Variants in ZBTB43 observed in about 807,000 individuals in gnomAD.
ZBTB43 encodes zinc finger and BTB domain containing 43.
In ZBTB43, 6 loss-of-function variants were observed where a neutral mutation model predicts 31.1. The observed-to-expected ratio is 0.19, with a 90% confidence interval of 0.11 to 0.38. ZBTB43 has a LOEUF of 0.38. Among genes scored for constraint, ZBTB43 ranks in the 10% least tolerant of loss-of-function variants. The probability of loss-of-function intolerance (pLI) is 1.00; values close to 1 mark genes in which losing one functional copy is unlikely to be tolerated. For missense variants in ZBTB43, 379 were observed against 602.1 expected, an observed-to-expected ratio of 0.63 and a Z score of 3.88; for synonymous variants, 212 against 221.7, an observed-to-expected ratio of 0.96 and a Z score of 0.39.
chr9:126,811,217 CAAAAA>C (rs370772691), intron 2 of ZBTB43, among the ~76,000 whole-genome samples: 2 of 86,668 alleles, frequency 2.3e-5, no homozygotes, highest in Non-Finnish European at 2.4e-5. Flanking sequence ...GACTCCATCT[CAAAAA>C]AAAAAAAAAA....
In ZBTB43 at chr9:126,833,595, C is replaced by G. The variant is rs1439275591; in HGVS notation, c.1086C>G (p.Ser362=). ...EMVTGIKEEA[S]HLGFSATDKL... ...TAACAGGGATTAAAGAAGAAGCTTC[C>G]CACTTAGGATTCTCAGCCACTGACA... The change falls in exon 3 of 3, where the codon TCC becomes TCG. Residue 362 remains serine (S), a synonymous_variant. Transcript: ENST00000373464. This position sits in a 1 kb window ranked among gnomAD's most constrained non-coding sequence, Gnocchi z 7.9. 2.5e-6 allele frequency: 4 copies of G among 1,614,046 alleles called. No homozygotes were observed. The highest frequency in any genetic ancestry group is 3.4e-6 in the Non-Finnish European group (4 of 1,179,968).
intron 2 of ZBTB43, among the ~76,000 whole-genome samples, chr9:126,812,885 A>G (rs1264715403): frequency 6.6e-6 from 1 of 151,672 alleles, no homozygotes; most frequent in African/African-American, 2.4e-5. Flanking sequence ...TCTTGATGGT[A>G]TCATTTGTAC....
At chr9:126,806,062 A>G (rs563181382) in intron 1 of ZBTB43, among the ~76,000 whole-genome samples, 1 of 152,308 alleles carries the variant, frequency 6.6e-6, no homozygotes, top group South Asian at 2.1e-4. Context: ...GAGCAGCTTG[A>G]TGAGTCCTCT....
intron 2 of ZBTB43, among the ~76,000 whole-genome samples, chr9:126,821,377 A>T (rs77606729): frequency 6.6e-6 from 1 of 151,216 alleles, no homozygotes; most frequent in Admixed American, 6.6e-5. Context: ...CTCTGTCTTT[A>T]AAAAAAAAGA....
chr9:126,826,454 CTTTTTTTTTT>C (rs35094731), intron 2 of ZBTB43, among the ~76,000 whole-genome samples: 8,383 of 53,528 alleles, frequency 0.16, 1,180 homozygotes, highest in African/African-American at 0.41. Flanking sequence ...GCCCCCCCGC[CTTTTTTTTTT>C]TTTTTTTTTT....
At chr9:126,813,020 G>T (rs968879789) in intron 2 of ZBTB43, among the ~76,000 whole-genome samples, 17 of 145,712 alleles carry the variant, frequency 1.2e-4, no homozygotes, top group African/African-American at 4.1e-4. Context: ...TGCTCTTGTT[G>T]CCCAGGCTGG....
At chr9:126,804,802 A>T (rs894204333), upstream of ZBTB43, among the ~76,000 whole-genome samples, 11 of 152,052 alleles carry the variant, frequency 7.2e-5, no homozygotes, top group African/African-American at 2.7e-4. Flanking sequence ...AGGTTTCAAG[A>T]AGGTTTAGAA....
intron 2 of ZBTB43, among the ~76,000 whole-genome samples, chr9:126,827,005 G>A (rs1472355322): frequency 6.6e-6 from 1 of 152,152 alleles, no homozygotes; most frequent in Non-Finnish European, 1.5e-5. Flanking sequence ...CTGGACATTT[G>A]GAGTATGATA....
At chr9:126,830,738 G>GT (rs57767239) in intron 2 of ZBTB43, among the ~76,000 whole-genome samples, 1,476 of 140,114 alleles carry the variant, frequency 0.011, 24 homozygotes, top group East Asian at 0.08. Context: ...CGTTTGGGTG[G>GT]TTTTTTTTTT....
rs530065283 is a variant in ZBTB43 at position 126,834,914 on chromosome 9, T to G, written c.*1001T>G. On this transcript the variant is annotated 3_prime_UTR_variant, in exon 3 of 3. Transcript: ENST00000373464. Reference sequence around the variant, plus strand: ...GCTGAGAGTTCCCTGTGAACTTGAGTAGTTCATAGAGTGCTAAGGTGACAC... The same window carrying G: ...GCTGAGAGTTCCCTGTGAACTTGAGGAGTTCATAGAGTGCTAAGGTGACAC... The G allele has an allele frequency of 3.0e-5, 5 of 167,076 alleles. No homozygotes were observed. Among genetic ancestry groups the G allele is most frequent in the African/African-American group, 1.2e-4 (5 of 41,514 alleles). The allele number at this position is 167,076 out of a possible 1,614,324, so 10.3% of individuals were successfully genotyped here. A position where few individuals can be genotyped will look rare whatever the true frequency, so the allele number is the denominator to read the frequency against.
In ZBTB43 at chr9:126,837,964, T is replaced by G. The variant is rs1210637044; in HGVS notation, c.*4051T>G. ...ACTTTATTTATGCAAGTCAGGTGAC[T>G]CTTAGGCCACAAAACCATTTGATGA... is the stretch of plus-strand genomic sequence containing the variant. On this transcript the variant is annotated 3_prime_UTR_variant, in exon 3 of 3. Transcript: ENST00000373464. The G allele has an allele frequency of 6.0e-6, 1 of 167,014 alleles. No individual in the cohort carries two copies. The highest frequency in any genetic ancestry group is 1.5e-5 in the Non-Finnish European group (1 of 68,106). The allele number at this position is 167,014 out of a possible 1,614,324, so 10.3% of individuals were successfully genotyped here. A position where few individuals can be genotyped will look rare whatever the true frequency, so the allele number is the denominator to read the frequency against.
At position 126,833,048 on chromosome 9, in the gene ZBTB43, G is replaced by A. The variant is rs779334745; in HGVS notation, c.539G>A (p.Ser180Asn). The A allele has an allele frequency of 1.8e-4, 283 of 1,613,882 alleles. No homozygotes were observed. Among genetic ancestry groups the A allele is most frequent in the Non-Finnish European group, 2.1e-4 (253 of 1,180,038 alleles). ...ELRDGENEEE[S>N]TKDELSSQLT... ...AGAGATGGTGAAAATGAAGAGGAGA[G>A]CACCAAAGACGAGCTGTCATCCCAG... The change falls in exon 3 of 3, where the codon AGC becomes AAC. Residue 180 changes from serine to asparagine, a missense_variant. This residue lies in a region of ZBTB43 where 253 missense variants were observed against 322.3 expected (regional missense o/e 0.79). Transcript: ENST00000373464. The surrounding 1 kb of genome is among the most constrained non-coding windows in gnomAD (Gnocchi z 7.9).
At chr9:126,822,436 G>T (rs60819482) in intron 2 of ZBTB43, among the ~76,000 whole-genome samples, 17,213 of 152,110 alleles carry the variant, frequency 0.11, 3,033 homozygotes, top group African/African-American at 0.38. Context: ...AAACTTCACT[G>T]TTGTCCTATT....
chr9:126,807,905 G>A (rs1375106242), intron 1 of ZBTB43, among the ~76,000 whole-genome samples: 2 of 152,048 alleles, frequency 1.3e-5, no homozygotes, highest in Non-Finnish European at 2.9e-5. Flanking sequence ...CAAAGTGCTG[G>A]GATTAACAAG....
At chr9:126,820,008 T>G (rs2032476919) in intron 2 of ZBTB43, among the ~76,000 whole-genome samples, 2 of 151,874 alleles carry the variant, frequency 1.3e-5, no homozygotes, top group African/African-American at 2.4e-5. Flanking sequence ...GTGAGAGAGG[T>G]GAGGAAACTG....
Position 126,833,176 on chromosome 9 carries a change from G to A in ZBTB43, c.667G>A (p.Ala223Thr), listed in dbSNP as rs915923825. 1.9e-6 allele frequency: 3 copies of A among 1,613,776 alleles called. No homozygotes were observed. Among genetic ancestry groups the A allele is most frequent in the South Asian group, 1.1e-5 (1 of 91,078 alleles). ...QDGEEGASDS[A>T]EFHYTRPMYS... ...TGGGGAGGAGGGCGCCAGCGACAGC[G>A]CCGAGTTCCACTACACCCGGCCCAT... The change falls in exon 3 of 3, where the codon GCC becomes ACC. Residue 223 changes from alanine (A) to threonine (T), a missense_variant. By Grantham distance (58) the Ala-to-Thr change is moderately conservative. Transcript: ENST00000373464. This position sits in a 1 kb window ranked among gnomAD's most constrained non-coding sequence, Gnocchi z 7.9.
intron 2 of ZBTB43, among the ~76,000 whole-genome samples, chr9:126,819,428 A>G (rs2032463271): frequency 6.6e-6 from 1 of 151,536 alleles, no homozygotes; most frequent in Non-Finnish European, 1.5e-5. Context: ...AAAACTTTTC[A>G]TTATTATTAT....
At chr9:126,813,969 G>T (rs927227158) in intron 2 of ZBTB43, among the ~76,000 whole-genome samples, 2 of 152,092 alleles carry the variant, frequency 1.3e-5, no homozygotes, top group Admixed American at 1.3e-4. Flanking sequence ...CTGTAGCCAC[G>T]TATATTATCA....
chr9:126,832,799 C>G lies in ZBTB43; in HGVS notation c.290C>G (p.Ala97Gly). 6.2e-7 allele frequency: 1 copy of G among 1,614,134 alleles called. No homozygotes were observed. Among genetic ancestry groups the G allele is most frequent in the Non-Finnish European group, 8.5e-7 (1 of 1,180,044 alleles). ...TATACAGGACGTCTAGTAATGCCCG[C>G]TCCAGAAATTGTTAGTTACTTGACA... ...SSYTGRLVMP[A>G]PEIVSYLTAA... The change falls in exon 3 of 3, where the codon GCT becomes GGT. Residue 97 changes from alanine to glycine, a missense_variant. By Grantham distance (60) the Ala-to-Gly change is moderately conservative. This residue lies in a region of ZBTB43 where 79 missense variants were observed against 134.4 expected (regional missense o/e 0.59). Transcript: ENST00000373464.
Sources: gnomAD v4.1 joint callset for allele counts (sites outside exome capture counted in the v4.1 genomes callset) on GRCh38, gnomAD v4.1.1 for gene constraint, gnomAD v4.1.1 regional missense constraint, Gnocchi (gnomAD v3.1) non-coding constraint, MANE v1.5 for transcripts, NCBI Gene and HGNC (gene_info 2026-07-23, HGNC 2026-07-21) for gene names.